PLPPR1: variants seen among roughly 807,000 people sequenced by gnomAD.
PLPPR1 encodes phospholipid phosphatase-related protein type 1.
In PLPPR1, 10 loss-of-function variants were observed where a neutral mutation model predicts 33.1. The observed-to-expected ratio is 0.30, with a 90% CI of 0.19 to 0.51. The LOEUF is 0.51. Among genes scored for constraint, PLPPR1 ranks in the 20% least tolerant of loss-of-function variants. PLPPR1 has a pLI of 0.97. For synonymous variants in PLPPR1, 151 were observed against 151.0 expected, an observed-to-expected ratio of 1.00 and a Z score of 0.00; for missense variants, 304 against 408.1, an observed-to-expected ratio of 0.74 and a Z score of 2.20.
intron 1 of PLPPR1, among the ~76,000 whole-genome samples, chr9:101,079,719 A>T (rs1426035506): frequency 6.6e-6 from 1 of 151,896 alleles, no homozygotes; most frequent in Non-Finnish European, 1.5e-5. Context: ...AGCTGGGATT[A>T]CAGGTGTGCG....
rs1376007204 is a variant in PLPPR1 at position 101,039,706 on chromosome 9, G to C, written c.-46+10604G>C. Among the ~76,000 whole-genome samples, 5 of 152,094 alleles carry C rather than the reference G, an allele frequency of 3.3e-5. No homozygotes were observed. In the East Asian group the frequency reaches 9.7e-4, roughly 29 times the overall value. On this transcript the variant is annotated intron_variant, in intron 1 of 7. Transcript: ENST00000374874. ...GAGCAAGTCACATCTTACGTGGATG[G>C]TGGCAGGAAAAGAGAGCTTATACAG...
At chr9:101,204,691 A>G (rs1228519722) in intron 2 of PLPPR1, among the ~76,000 whole-genome samples, 1 of 152,088 alleles carries the variant, frequency 6.6e-6, no homozygotes, top group Non-Finnish European at 1.5e-5. Flanking sequence ...CTTCTCTAGT[A>G]TCTCTAAGGT....
intron 1 of PLPPR1, among the ~76,000 whole-genome samples, chr9:101,034,897 G>T (rs1373567947): frequency 1.3e-5 from 2 of 152,092 alleles, no homozygotes; most frequent in East Asian, 3.9e-4. Context: ...ACACAAATAT[G>T]GCAGGCGCAG....
intron 1 of PLPPR1, among the ~76,000 whole-genome samples, chr9:101,062,822 G>A (rs1353534485): frequency 6.6e-6 from 1 of 151,936 alleles, no homozygotes; most frequent in Non-Finnish European, 1.5e-5. Flanking sequence ...GTTGTCTTTG[G>A]GCTTGTGTTT....
At chr9:101,308,158 G>A (rs1234507586) in intron 4 of PLPPR1, among the ~76,000 whole-genome samples, 2 of 152,154 alleles carry the variant, frequency 1.3e-5, no homozygotes, top group South Asian at 4.1e-4. Context: ...TACCTTACAT[G>A]GCAAAAGGGA....
chr9:101,305,161 T>C (rs1403457618), intron 4 of PLPPR1, among the ~76,000 whole-genome samples: 1 of 152,138 alleles, frequency 6.6e-6, no homozygotes, highest in Non-Finnish European at 1.5e-5. Context: ...GTCTCTGTAG[T>C]CTCTGTCTTC....
chr9:101,265,139 T>A (rs1341884538), intron 2 of PLPPR1, among the ~76,000 whole-genome samples: 2 of 152,222 alleles, frequency 1.3e-5, no homozygotes, highest in African/African-American at 4.8e-5. Flanking sequence ...ATTTTTACTT[T>A]TCTTTAACCA....
At chr9:101,156,373 A>AC (rs1831685481) in intron 1 of PLPPR1, among the ~76,000 whole-genome samples, 1 of 151,832 alleles carries the variant, frequency 6.6e-6, no homozygotes, top group African/African-American at 2.4e-5. Flanking sequence ...AACATGGCAA[A>AC]CCCCCATCTC....
intron 4 of PLPPR1, among the ~76,000 whole-genome samples, chr9:101,288,627 G>C (rs1214608402): frequency 5.3e-5 from 8 of 151,932 alleles, no homozygotes; most frequent in Non-Finnish European, 2.9e-5. Context: ...TATGACTCTA[G>C]GATCCACCCA....
At chr9:101,271,570 C>T (rs1268680247) in intron 3 of PLPPR1, among the ~76,000 whole-genome samples, 4 of 152,136 alleles carry the variant, frequency 2.6e-5, no homozygotes, top group Admixed American at 6.5e-5. Context: ...TAAGAGAAAG[C>T]ATACAGGACA....
At chr9:101,048,976 A>C (rs1830186607) in intron 1 of PLPPR1, among the ~76,000 whole-genome samples, 1 of 152,250 alleles carries the variant, frequency 6.6e-6, no homozygotes, top group Admixed American at 6.5e-5. Flanking sequence ...AATAGTCAAT[A>C]TCACATCAAG....
At chr9:101,273,698 A>G (rs1049672720) in intron 3 of PLPPR1, among the ~76,000 whole-genome samples, 1 of 152,196 alleles carries the variant, frequency 6.6e-6, no homozygotes, top group Non-Finnish European at 1.5e-5. Context: ...ATTTTCAACT[A>G]TTATTTCTGA....
intron 4 of PLPPR1, among the ~76,000 whole-genome samples, chr9:101,305,411 C>T (rs189633574): frequency 6.6e-6 from 1 of 152,186 alleles, no homozygotes; most frequent in Non-Finnish European, 1.5e-5. Flanking sequence ...AGAGATGATC[C>T]ATCAGAGGCT....
intron 1 of PLPPR1, among the ~76,000 whole-genome samples, chr9:101,130,525 C>T (rs1345602034): frequency 6.6e-6 from 1 of 152,186 alleles, no homozygotes; most frequent in Non-Finnish European, 1.5e-5. Context: ...CTATTAGATA[C>T]ATGTTATTAC....
At chr9:101,239,876 T>C (rs2118844128) in intron 2 of PLPPR1, among the ~76,000 whole-genome samples, 1 of 152,244 alleles carries the variant, frequency 6.6e-6, no homozygotes, top group East Asian at 1.9e-4. Flanking sequence ...TTTCCTTTGC[T>C]GTGCAGAAGC....
At chr9:101,151,967 C>T (rs940998788) in intron 1 of PLPPR1, among the ~76,000 whole-genome samples, 17 of 152,162 alleles carry the variant, frequency 1.1e-4, no homozygotes, top group Non-Finnish European at 7.3e-5. Context: ...CTTGAGGAAT[C>T]GCCACACTGT....
chr9:101,036,701 CAAAAAAA>C (rs5899427), intron 1 of PLPPR1, among the ~76,000 whole-genome samples: 3 of 103,742 alleles, frequency 2.9e-5, no homozygotes, highest in African/African-American at 7.1e-5. Context: ...CTATTTCTGC[CAAAAAAA>C]AAAAAAAAAA....
At chr9:101,183,680 C>T (rs1324439904) in intron 1 of PLPPR1, among the ~76,000 whole-genome samples, 1 of 148,012 alleles carries the variant, frequency 6.8e-6, no homozygotes, top group Non-Finnish European at 1.5e-5. Context: ...ACTGTAGTTA[C>T]TCCCGTCTCT....
chr9:101,248,325 G>A (rs1464649255), intron 2 of PLPPR1, among the ~76,000 whole-genome samples: 1 of 152,032 alleles, frequency 6.6e-6, no homozygotes, highest in Admixed American at 6.6e-5. Flanking sequence ...CAGCATGCTT[G>A]GCCTAAGTCA....
Sources: gnomAD v4.1 joint callset for allele counts (sites outside exome capture counted in the v4.1 genomes callset) on GRCh38, gnomAD v4.1.1 for gene constraint, MANE v1.5 for transcripts, NCBI Gene and HGNC (gene_info 2026-07-23, HGNC 2026-07-21) for gene names.